Variants in ATP8B3 observed in about 807,000 individuals in gnomAD.
ATP8B3 encodes the protein phospholipid-transporting ATPase IK.
ATP8B3 carries 141 observed loss-of-function variants against 140.9 expected under a neutral mutation model. The ratio of observed to expected loss-of-function variants is 1.00; its 90% CI spans 0.87 to 1.15. The LOEUF is 1.15. Among genes scored for constraint, ATP8B3 ranks in the 50% most tolerant of loss-of-function variants. ATP8B3 has a pLI of 0.00. For missense variants in ATP8B3, 1,874 were observed against 1,740.6 expected, an observed-to-expected ratio of 1.08 and a Z score of -1.36; for synonymous variants, 765 against 714.6, an observed-to-expected ratio of 1.07 and a Z score of -1.13.
chr19:1,787,916 T>C (rs4316880), intron 24 of ATP8B3, among the ~76,000 whole-genome samples: 118,677 of 151,518 alleles, frequency 0.78, 46,674 homozygotes, highest in African/African-American at 0.86. Context: ...GTGGCAGGTG[T>C]CTGTAATCTC....
At chr19:1,785,806 C>G (rs2145170023) in intron 25 of ATP8B3, 98 bp from the exon 26 acceptor site, 1 of 1,302,762 alleles carries the variant, frequency 7.7e-7, no homozygotes, top group South Asian at 1.4e-5. Flanking sequence ...TGGCCACTCT[C>G]TGTGTGTGGC....
chr19:1,792,140 G>A lies in ATP8B3; in HGVS notation c.2056-5C>T. 2 of 1,568,378 alleles carry A rather than the reference G, an allele frequency of 1.3e-6. No individual in the cohort carries two copies. Among genetic ancestry groups the A allele is most frequent in the South Asian group, 1.2e-5 (1 of 86,512 alleles). ...CAGGGTCTCCTGGGCAAAGGCCTGG[G>A]GGCCGGGCAGGTGGAAGCTGTCACC... On this transcript the variant is annotated splice_region_variant and splice_polypyrimidine_tract_variant and intron_variant, in intron 18 of 28. Transcript: ENST00000310127.
Position 1,805,487 on chromosome 19 carries a change from T to A in ATP8B3, c.822-31A>T, listed in dbSNP as rs757761553. ...GACGAGGAGAGGAGGGAGGTGAAAG[T>A]GGAGTTGATGGATGCTTCGAGGAGC... is the stretch of plus-strand genomic sequence containing the variant. On this transcript the variant is annotated intron_variant, in intron 9 of 28. Transcript: ENST00000310127. This position sits in a 1 kb window ranked among gnomAD's most constrained non-coding sequence, Gnocchi z 5.2. 1.3e-6 allele frequency: 2 copies of A among 1,512,572 alleles called. No homozygotes were observed. Among genetic ancestry groups the A allele is most frequent in the Non-Finnish European group, 1.8e-6 (2 of 1,110,722 alleles). 93.7% of individuals were successfully genotyped at this position (1,512,572 alleles called of 1,614,324 possible).
chr19:1,793,241 C>G (rs1348163967), intron 18 of ATP8B3, among the ~76,000 whole-genome samples: 2 of 149,374 alleles, frequency 1.3e-5, no homozygotes, highest in East Asian at 3.9e-4. Flanking sequence ...TAGGCACATG[C>G]CATCACACCC....
rs763242962 is a variant in ATP8B3 at position 1,800,437 on chromosome 19, C to A, written c.1165G>T (p.Val389Leu). 7.1e-7 allele frequency: 1 copy of A among 1,404,640 alleles called. No individual in the cohort carries two copies. The highest frequency in any genetic ancestry group is 1.9e-5 in the Admixed American group (1 of 53,718). 87.0% of individuals were successfully genotyped at this position (1,404,640 alleles called of 1,614,324 possible). The change falls in exon 13 of 29, where the codon GTG becomes TTG. Residue 389 changes from valine (V) to leucine (L), a missense_variant. By Grantham distance (32) the Val-to-Leu change is conservative. Transcript: ENST00000310127. This position sits in a 1 kb window ranked among gnomAD's most constrained non-coding sequence, Gnocchi z 4.4. ...GCCAACACCAGGCAGACAAGCACCA[C>A]GGAGATGAAGATCTGGAAGGCAGAC... ...NKLVVVIFIS[V>L]VLVCLVLAFG...
chr19:1,787,848 C>T (rs2068357742), intron 24 of ATP8B3, among the ~76,000 whole-genome samples: 1 of 151,566 alleles, frequency 6.6e-6, no homozygotes, highest in African/African-American at 2.4e-5. Context: ...TCGAGACCAG[C>T]CTGGCCAACA....
chr19:1,791,122 C>T (rs947325977), intron 20 of ATP8B3, among the ~76,000 whole-genome samples: 1 of 152,200 alleles, frequency 6.6e-6, no homozygotes, highest in Non-Finnish European at 1.5e-5. Context: ...CAGGAACCCA[C>T]AAAATGTCTC....
At position 1,789,697 on chromosome 19, in the gene ATP8B3, G is replaced by A. The variant is rs2068429697; in HGVS notation, c.2509C>T (p.Pro837Ser). 2.0e-5 allele frequency: 32 copies of A among 1,585,116 alleles called. No individual in the cohort carries two copies. The highest frequency in any genetic ancestry group is 2.6e-5 in the Non-Finnish European group (30 of 1,168,722). Reference protein sequence around the residue: ...DKLLVSLRKEPRALAQNVNMD... With the variant: ...DKLLVSLRKESRALAQNVNMD... ...TTCACGTTCTGCGCCAGGGCGCGCG[G>A]CTCCTTCCGCAGGGACACCAGCAGT... The change falls in exon 23 of 29, where the codon CCG (proline) becomes TCG (serine). Residue 837 changes from proline (P) to serine (S), a missense_variant. Pro to Ser is a moderately conservative substitution (Grantham distance 74). Transcript: ENST00000310127.
rs748203920 is a variant in ATP8B3 at position 1,792,143 on chromosome 19, C to T, written c.2056-8G>A. On this transcript the variant is annotated splice_region_variant and splice_polypyrimidine_tract_variant and intron_variant, in intron 18 of 28. Coordinates refer to ENST00000310127, the MANE Select transcript of ATP8B3 (RefSeq NM_138813.4). The stretch of plus-strand genomic sequence containing the variant: ...GGTCTCCTGGGCAAAGGCCTGGGGG[C>T]CGGGCAGGTGGAAGCTGTCACCATG... 9 of 1,566,488 alleles carry T rather than the reference C, an allele frequency of 5.7e-6. No homozygotes were observed. Among genetic ancestry groups the T allele is most frequent in the Non-Finnish European group, 7.7e-6 (9 of 1,164,026 alleles).
chr19:1,809,255 G>A (rs1444967542), intron 4 of ATP8B3, among the ~76,000 whole-genome samples: 3 of 151,914 alleles, frequency 2.0e-5, no homozygotes, highest in Non-Finnish European at 4.4e-5. Flanking sequence ...GGCCGAGGTG[G>A]GTGGATCACC....
In ATP8B3 at chr19:1,797,001, C is replaced by T. The variant is rs1175602788; in HGVS notation, c.1557G>A (p.Pro519=). The change falls in exon 15 of 29, where the codon CCG becomes CCA. Residue 519 remains proline (P), a synonymous_variant. Transcript: ENST00000310127. ...TAGGTCGGGTCGTGGCCTCTGAATC[C>T]GGCCCTGGGGAAAGACACAGCTTCC... is the stretch of plus-strand genomic sequence containing the variant. The part of the protein sequence containing the change: ...KCCISGRVYG[P]DSEATTRPKE... 5.6e-6 allele frequency: 9 copies of T among 1,613,032 alleles called. No homozygotes were observed. Among genetic ancestry groups the T allele is most frequent in the East Asian group, 4.5e-5 (2 of 44,880 alleles).
chr19:1,808,516 C>T (rs1310397433), intron 4 of ATP8B3, among the ~76,000 whole-genome samples, 181 bp from the exon 5 acceptor site: 1 of 149,510 alleles, frequency 6.7e-6, no homozygotes, highest in Non-Finnish European at 1.5e-5. Context: ...AATGCAAGGC[C>T]TCAGACCAGC....
intron 5 of ATP8B3, 91 bp downstream of exon 5, chr19:1,808,131 G>C (rs980064998): frequency 2.0e-5 from 21 of 1,028,260 alleles, no homozygotes; most frequent in Non-Finnish European, 3.1e-5. Context: ...TCTGTGGGGA[G>C]TGGGACGTGA....
rs1337835705 is a variant in ATP8B3 at position 1,805,404 on chromosome 19, C to A, written c.874G>T (p.Ala292Ser). Reference sequence around the variant, plus strand: ...AAGGACGCCATCTTCTTTATAGTGGCCAGTTCTTTGTGGGTGACCATCAGG... The same window carrying A: ...AAGGACGCCATCTTCTTTATAGTGGACAGTTCTTTGTGGGTGACCATCAGG... The part of the protein sequence containing the change: ...QALMVTHKEL[A>S]TIKKMASFQG... The change falls in exon 10 of 29, where the codon GCC becomes TCC. Residue 292 changes from alanine to serine, a missense_variant. Ala to Ser is a moderately conservative substitution (Grantham distance 99). Transcript: ENST00000310127. The surrounding 1 kb of genome is among the most constrained non-coding windows in gnomAD (Gnocchi z 5.2). 1 of 1,569,026 alleles carries A rather than the reference C, an allele frequency of 6.4e-7. No homozygotes were observed. The highest frequency in any genetic ancestry group is 1.9e-5 in the Admixed American group (1 of 53,806).
At chr19:1,797,466 A>T (rs1328818311) in intron 14 of ATP8B3, among the ~76,000 whole-genome samples, 1 of 133,230 alleles carries the variant, frequency 7.5e-6, no homozygotes. Flanking sequence ...GTTCTTTTTT[A>T]TTTTTATTTA....
chr19:1,794,804 C>T lies in ATP8B3; in HGVS notation c.2055+1071G>A, dbSNP rs1338526365. ...TCCCTTGGTGAGGCCAAAGAGAGAC[C>T]AGGCTGGAGAGGTCAGCAGGGGACA... On this transcript the variant is annotated intron_variant, in intron 18 of 28. Coordinates refer to ENST00000310127, the MANE Select transcript of ATP8B3 (RefSeq NM_138813.4). This position sits in a 1 kb window ranked among gnomAD's most constrained non-coding sequence, Gnocchi z 4.8. 6.6e-6 allele frequency among the ~76,000 whole-genome samples: 1 copy of T among 152,130 alleles called. No homozygotes were observed. Among genetic ancestry groups the T allele is most frequent in the Non-Finnish European group, 1.5e-5 (1 of 68,014 alleles).
chr19:1,809,813 A>G (rs2069136477), intron 3 of ATP8B3, 79 bp from the exon 4 acceptor site: 1 of 1,349,316 alleles, frequency 7.4e-7, no homozygotes. Context: ...AGGAGGGCTC[A>G]TGGGGCCCGT....
chr19:1,797,522 CAG>C (rs1276626006), intron 14 of ATP8B3, among the ~76,000 whole-genome samples: 9 of 142,954 alleles, frequency 6.3e-5, no homozygotes, highest in Non-Finnish European at 9.4e-5. Flanking sequence ...ATTTTTGAGA[CAG>C]AGTCCTGCTC....
Position 1,800,243 on chromosome 19 carries a change from G to C in ATP8B3, c.1343+16C>G, listed in dbSNP as rs557881768. ...GTTCCGCGTTTGCACCGGGGACGCA[G>C]CCGGCGGAGACTCACAGGATGAACA... On this transcript the variant is annotated intron_variant, in intron 13 of 28. Transcript: ENST00000310127. This position sits in a 1 kb window ranked among gnomAD's most constrained non-coding sequence, Gnocchi z 4.4. 6.2e-7 allele frequency: 1 copy of C among 1,609,018 alleles called. No homozygotes were observed. Among genetic ancestry groups the C allele is most frequent in the South Asian group, 1.1e-5 (1 of 91,006 alleles).
Sources: gnomAD v4.1 joint callset for allele counts (sites outside exome capture counted in the v4.1 genomes callset) on GRCh38, gnomAD v4.1.1 for gene constraint, Gnocchi (gnomAD v3.1) non-coding constraint, MANE v1.5 for transcripts, NCBI Gene and HGNC (gene_info 2026-07-23, HGNC 2026-07-21) for gene names.